CHD7: variants seen among roughly 807,000 people sequenced by gnomAD.
CHD7 encodes the protein chromodomain helicase DNA binding protein 7.
A neutral mutation model predicts 307.3 loss-of-function variants in CHD7; 24 were observed. The ratio of observed to expected loss-of-function variants is 0.08; its 90% CI spans 0.06 to 0.11. The LOEUF (loss-of-function observed/expected upper bound fraction) is 0.11. Among genes scored for constraint, CHD7 ranks in the 10% least tolerant of loss-of-function variants. The pLI, the probability that CHD7 is intolerant of heterozygous loss-of-function variation, is 1.00. For missense variants in CHD7, 3,106 were observed against 3,727.1 expected (o/e 0.83, Z 4.34); for synonymous variants, 1,363 against 1,349.9 (o/e 1.01, Z -0.21).
chr8:60,746,290 T>A (rs1267984424), intron 2 of CHD7, among the ~76,000 whole-genome samples: 1 of 152,256 alleles, frequency 6.6e-6, no homozygotes, highest in Admixed American at 6.5e-5. Flanking sequence ...GCCTTAGTTA[T>A]GAAATAACTA....
rs764970349 is a variant in CHD7, at chr8:60,830,562, C to T, written c.3763C>T (p.Pro1255Ser). The change falls in exon 15 of 38, where the codon CCG becomes TCG. Residue 1255 changes from proline to serine, a missense_variant. This residue lies in a region of CHD7 where 232 missense variants were observed against 422.5 expected (regional missense o/e 0.55). Coordinates refer to ENST00000423902, the MANE Select transcript of CHD7 (RefSeq NM_017780.4). ...MMELRKCCNH[P>S]YLINGAEEKI... ...GGAATTGCGGAAGTGCTGCAATCAT[C>T]CGTACCTTATCAATGGTAAGGCTGC... 1.9e-6 allele frequency: 3 copies of T among 1,613,470 alleles called. No individual in the cohort carries two copies. The highest frequency in any genetic ancestry group is 2.5e-6 in the Non-Finnish European group (3 of 1,179,380).
intron 1 of CHD7, among the ~76,000 whole-genome samples, chr8:60,681,580 T>G (rs1421544857): frequency 1.3e-5 from 2 of 152,206 alleles, no homozygotes; most frequent in Non-Finnish European, 2.9e-5. Context: ...TAAAATAATT[T>G]GGAAATGGGT....
intron 1 of CHD7, among the ~76,000 whole-genome samples, chr8:60,680,794 C>G (rs1275869308): frequency 6.6e-6 from 1 of 152,242 alleles, no homozygotes; most frequent in Non-Finnish European, 1.5e-5. Context: ...ATTAGATACA[C>G]TATCCAGCGC....
At chr8:60,775,763 A>C (rs1292883462) in intron 2 of CHD7, among the ~76,000 whole-genome samples, 1 of 152,046 alleles carries the variant, frequency 6.6e-6, no homozygotes, top group Non-Finnish European at 1.5e-5. Flanking sequence ...TTAGCACAGA[A>C]TTCTTTATTT....
At chr8:60,764,709 C>A (rs1398348426) in intron 2 of CHD7, among the ~76,000 whole-genome samples, 1 of 152,098 alleles carries the variant, frequency 6.6e-6, no homozygotes. Flanking sequence ...AGGTATTCTC[C>A]CCTTTAAAAA....
intron 7 of CHD7, 144 bp from the exon 8 acceptor site, chr8:60,816,243 G>A (rs1803741558): frequency 1.8e-6 from 1 of 567,992 alleles, no homozygotes; most frequent in South Asian, 2.2e-5. Context: ...AACAGTGGTG[G>A]GTATATTAAA....
intron 34 of CHD7, among the ~76,000 whole-genome samples, chr8:60,858,315 T>C (rs888740468): frequency 9.9e-5 from 15 of 152,146 alleles, no homozygotes; most frequent in African/African-American, 3.6e-4. Context: ...ATCATAATGG[T>C]CATATTTGTT....
intron 2 of CHD7, among the ~76,000 whole-genome samples, chr8:60,747,797 C>G (rs1201655550): frequency 6.6e-6 from 1 of 152,220 alleles, no homozygotes; most frequent in Non-Finnish European, 1.5e-5. Flanking sequence ...ACGTCACCAC[C>G]TGACGTTAGT....
chr8:60,862,025 TAGG>T, intron 35 of CHD7, 168 bp from the exon 36 acceptor site: 1 of 525,654 alleles, frequency 1.9e-6, no homozygotes, highest in Non-Finnish European at 3.2e-6. Context: ...ACGGGTAAAA[TAGG>T]AGTTTTTTCT....
intron 2 of CHD7, among the ~76,000 whole-genome samples, chr8:60,771,390 C>G (rs1483648477): frequency 6.6e-6 from 1 of 152,186 alleles, no homozygotes; most frequent in Non-Finnish European, 1.5e-5. Flanking sequence ...ATTTGTTGAT[C>G]ATCCCTAATT....
chr8:60,856,964 G>C, intron 34 of CHD7, 76 bp downstream of exon 34: 1 of 1,333,024 alleles, frequency 7.5e-7, no homozygotes, highest in Non-Finnish European at 1.0e-6. Context: ...ACGATGCTGG[G>C]CTGTGTTTCT....
At chr8:60,763,763 C>G (rs986881872) in intron 2 of CHD7, among the ~76,000 whole-genome samples, 5 of 152,054 alleles carry the variant, frequency 3.3e-5, no homozygotes, top group African/African-American at 9.7e-5. Context: ...TATCCCTTCC[C>G]CTCCTGAGCT....
At chr8:60,706,815 T>C (rs192719613) in intron 1 of CHD7, among the ~76,000 whole-genome samples, 1 of 152,072 alleles carries the variant, frequency 6.6e-6, no homozygotes, top group Non-Finnish European at 1.5e-5. Context: ...AAGATCTTTT[T>C]AAAATATATA....
At chr8:60,850,279 A>T (rs530825100) in intron 25 of CHD7, among the ~76,000 whole-genome samples, 1 of 152,312 alleles carries the variant, frequency 6.6e-6, no homozygotes, top group African/African-American at 2.4e-5. Context: ...GGTAATTCTG[A>T]TAATATCCCT....
intron 21 of CHD7, 87 bp from the exon 22 acceptor site, chr8:60,844,777 G>A: frequency 6.1e-6 from 7 of 1,156,696 alleles, no homozygotes; most frequent in Non-Finnish European, 8.5e-6. Flanking sequence ...TTTGACCCAG[G>A]ATTTCCCAAC....
chr8:60,805,381 G>A (rs149874407), intron 6 of CHD7, among the ~76,000 whole-genome samples: 177 of 152,300 alleles, frequency 1.2e-3, no homozygotes, highest in Admixed American at 3.5e-3. Flanking sequence ...ACAGAACCAA[G>A]TGTTGTATTC....
At chr8:60,862,400 C>A in intron 36 of CHD7, 64 bp downstream of exon 36, 1 of 1,537,584 alleles carries the variant, frequency 6.5e-7, no homozygotes, top group South Asian at 1.3e-5. Flanking sequence ...AGTGTTTTAT[C>A]CTGCCTTCTT....
At chr8:60,858,634 G>T (rs1408984306) in intron 34 of CHD7, among the ~76,000 whole-genome samples, 1 of 152,182 alleles carries the variant, frequency 6.6e-6, no homozygotes, top group African/African-American at 2.4e-5. Context: ...TTGAGACAGG[G>T]TCTCACTCTT....
chr8:60,741,954 G>T lies in CHD7; in HGVS notation c.522G>T (p.Pro174=), dbSNP rs577112542. The change falls in exon 2 of 38, where the codon CCG becomes CCT. Residue 174 remains proline, a synonymous_variant. Transcript: ENST00000423902. ...QPQPQPPQPA[P]SGPPAQGHPQ... Reference sequence around the variant, plus strand: ...AGCCGCAGCCACCGCAGCCGGCTCCGTCGGGGCCCCCTGCACAGGGCCACC... The same window carrying T: ...AGCCGCAGCCACCGCAGCCGGCTCCTTCGGGGCCCCCTGCACAGGGCCACC... 2.5e-6 allele frequency: 4 copies of T among 1,613,520 alleles called. No homozygotes were observed. Among genetic ancestry groups the T allele is most frequent in the Non-Finnish European group, 2.5e-6 (3 of 1,179,790 alleles).
Sources: allele counts gnomAD v4.1 joint callset (sites outside exome capture counted in the v4.1 genomes callset), GRCh38; gene constraint gnomAD v4.1.1; regional missense constraint gnomAD v4.1.1; transcripts MANE v1.5; gene names NCBI Gene and HGNC (gene_info 2026-07-23, HGNC 2026-07-21).